ANKRD35: variants seen among roughly 807,000 people sequenced by gnomAD.
ANKRD35 encodes ankyrin repeat domain-containing protein 35.
In ANKRD35, 102 loss-of-function variants were observed where a neutral mutation model predicts 109.9. The ratio of observed to expected loss-of-function variants is 0.93; its 90% CI spans 0.79 to 1.09. The LOEUF (loss-of-function observed/expected upper bound fraction) is 1.09. Ranked by LOEUF, ANKRD35 falls within the 50% of genes least tolerant of loss-of-function variation. The probability of loss-of-function intolerance (pLI) is 0.00; values close to 1 mark genes in which losing one functional copy is unlikely to be tolerated. For synonymous variants in ANKRD35, 515 were observed against 512.4 expected (o/e 1.01, Z -0.07); for missense variants, 1,240 against 1,230.1 (o/e 1.01, Z -0.12).
Position 145,873,602 on chromosome 1 carries a change from C to A in ANKRD35, c.1167G>T (p.Gln389His), listed in dbSNP as rs1653938175. ...AESTQELKKQQQAAATVNPVL... is the reference protein window; with the variant it reads ...AESTQELKKQHQAAATVNPVL... ...CTGGATTTACTGTGGCTGCTGCCTG[C>A]TGCTGCTTCTTTAGCTCTTGTGTAC... is the stretch of plus-strand genomic sequence containing the variant. Residue 389 changes from glutamine (Q) to histidine (H), a missense_variant, in exon 10 of 14, where the codon CAG (glutamine) becomes CAT (histidine). Transcript: ENST00000355594. 1.2e-6 allele frequency: 2 copies of A among 1,614,066 alleles called. No individual in the cohort carries two copies. Among genetic ancestry groups the A allele is most frequent in the Non-Finnish European group, 1.7e-6 (2 of 1,180,016 alleles).
At position 145,867,929 on chromosome 1, in the gene ANKRD35, A is replaced by G. The variant is rs183445426; in HGVS notation, c.2943+62T>C. On this transcript the variant is annotated intron_variant, in intron 12 of 13. Coordinates refer to ENST00000355594, the MANE Select transcript of ANKRD35 (RefSeq NM_144698.5). ...ACCCTGGAGAAGAGAGAGGGACCCT[A>G]AATGCAATACCCTATACTCAGCTTT... is the stretch of plus-strand genomic sequence containing the variant. 23 of 1,532,422 alleles carry G rather than the reference A, an allele frequency of 1.5e-5. No homozygotes were observed. The East Asian group carries it at 3.1e-4, about 21-fold the overall frequency. 94.9% of individuals were successfully genotyped at this position (1,532,422 alleles called of 1,614,324 possible).
chr1:145,872,598 T>G lies in ANKRD35; in HGVS notation c.2171A>C (p.Glu724Ala). 5 of 1,613,416 alleles carry G rather than the reference T, an allele frequency of 3.1e-6. No homozygotes were observed. Among genetic ancestry groups the G allele is most frequent in the Non-Finnish European group, 4.2e-6 (5 of 1,179,730 alleles). Residue 724 changes from glutamate to alanine, a missense_variant, in exon 10 of 14, where the codon GAG becomes GCG. Coordinates refer to ENST00000355594, the MANE Select transcript of ANKRD35 (RefSeq NM_144698.5). ...GERSAQSKAA[E>A]SLEELRACIS... ...GCAGGCCCGCAGCTCCTCCAGGGAC[T>G]CCGCTGCTTTGCTTTGTGCACTCCT...
At chr1:145,877,310 G>A (rs1654118045) in intron 4 of ANKRD35, among the ~76,000 whole-genome samples, 1 of 149,446 alleles carries the variant, frequency 6.7e-6, no homozygotes, top group Non-Finnish European at 1.5e-5. Context: ...TTGGATCACT[G>A]CAACCTCCGC....
Position 145,876,229 on chromosome 1 carries a change from CA to C in ANKRD35, c.470del (p.Leu157ArgfsTer2). The C allele has an allele frequency of 1.2e-6, 2 of 1,613,836 alleles. No homozygotes were observed. Among genetic ancestry groups the C allele is most frequent in the Non-Finnish European group, 1.7e-6 (2 of 1,179,886 alleles). The stretch of plus-strand genomic sequence containing the variant: ...CGTGCCCACCCAGCGATGCGATCAT[CA>C]GGGGTGTACGTCCATCCTGCACAGA... Reference protein sequence around the residue: ...DVLDNDGRTPLMIASLGGHAA... With the variant: ...DVLDNDGRTPXMIASLGGHAA... On this transcript the variant is annotated frameshift_variant, in exon 7 of 14. Transcript: ENST00000355594. LOFTEE classifies it high-confidence loss of function.
chr1:145,872,602 C>G lies in ANKRD35; in HGVS notation c.2167G>C (p.Ala723Pro). ...GCCCGCAGCTCCTCCAGGGACTCCG[C>G]TGCTTTGCTTTGTGCACTCCTCTCG... ...VGERSAQSKA[A>P]ESLEELRACI... The change falls in exon 10 of 14, where the codon GCG (alanine) becomes CCG (proline). Residue 723 changes from alanine to proline, a missense_variant. Transcript: ENST00000355594. The G allele has an allele frequency of 6.2e-7, 1 of 1,613,634 alleles. No individual in the cohort carries two copies. Among genetic ancestry groups the G allele is most frequent in the Non-Finnish European group, 8.5e-7 (1 of 1,179,822 alleles).
chr1:145,867,532 C>A (rs74119694), intron 12 of ANKRD35, 140 bp from the exon 13 acceptor site: 6 of 677,174 alleles, frequency 8.9e-6, no homozygotes, highest in South Asian at 1.8e-5. Flanking sequence ...TTCTCCATGG[C>A]TTTTTCCCTA....
chr1:145,878,123 CAGG>C (rs1478868665), intron 3 of ANKRD35, 91 bp from the exon 4 acceptor site: 1 of 1,254,458 alleles, frequency 8.0e-7, no homozygotes, highest in Non-Finnish European at 1.2e-6. Context: ...CACAGATAAT[CAGG>C]AGATTAGGGA....
chr1:145,878,461 G>A lies in ANKRD35; in HGVS notation c.189C>T (p.Ser63=), dbSNP rs1488389915. Residue 63 remains serine (S), a synonymous_variant, in exon 3 of 14, where the codon TCC becomes TCT. Transcript: ENST00000355594. ...TAGTCAGACATTCTGTCAGGCCTTT[G>A]GAGGCTGCCAGATGAAACCTGCCAG... ...NGQSPFHLAA[S]KGLTECLTIL... is the part of the protein sequence containing the mutation. 9 of 1,569,508 alleles carry A rather than the reference G, an allele frequency of 5.7e-6. No individual in the cohort carries two copies. The Admixed American group carries it at 9.3e-5, about 16-fold the overall frequency.
chr1:145,879,025 C>G (rs1553740624), intron 2 of ANKRD35, among the ~76,000 whole-genome samples: 1 of 152,174 alleles, frequency 6.6e-6, no homozygotes, highest in African/African-American at 2.4e-5. Context: ...ATGTACTTTA[C>G]AAGTCAGTGG....
Position 145,873,634 on chromosome 1 carries a change from C to T in ANKRD35, c.1135G>A (p.Ala379Thr). ...MEQGCPKDLL[A>T]ESTQELKKQQ... ...TTCTTTAGCTCTTGTGTACTCTCAG[C>T]CAGCAGGTCCTTAGGACAACCCTGC... Residue 379 changes from alanine to threonine, a missense_variant, in exon 10 of 14, where the codon GCT becomes ACT. Physicochemically the swap from Ala to Thr is moderately conservative, Grantham distance 58 (BLOSUM62 0). Transcript: ENST00000355594. 1 of 1,614,092 alleles carries T rather than the reference C, an allele frequency of 6.2e-7. No individual in the cohort carries two copies. Among genetic ancestry groups the T allele is most frequent in the Non-Finnish European group, 8.5e-7 (1 of 1,180,022 alleles).
In ANKRD35 at chr1:145,876,129, G is replaced by T. The variant is rs1553740008; in HGVS notation, c.560+11C>A. ...CATGGGAATTGGGGTGCATAGACGA[G>T]GGGGGCTCACTTGTCATTCTTGTCT... On this transcript the variant is annotated intron_variant, in intron 7 of 13. Coordinates refer to ENST00000355594, the MANE Select transcript of ANKRD35 (RefSeq NM_144698.5). 3 of 1,612,336 alleles carry T rather than the reference G, an allele frequency of 1.9e-6. No homozygotes were observed. Among genetic ancestry groups the T allele is most frequent in the East Asian group, 4.5e-5 (2 of 44,864 alleles).
chr1:145,884,999 G>A (rs746638367), intron 1 of ANKRD35, among the ~76,000 whole-genome samples: 5 of 152,164 alleles, frequency 3.3e-5, no homozygotes, highest in Non-Finnish European at 5.9e-5. Context: ...CAGCAAGCAG[G>A]CAGGAGGAAA....
In ANKRD35 at chr1:145,874,937, A is replaced by T; in HGVS notation, c.630T>A (p.Ala210=). ...EVAELLLSHG[A]DAGAVDSTGH... The stretch of plus-strand genomic sequence containing the variant: ...CTGTGCTGTCCACAGCCCCCGCGTC[A>T]GCTCCGTGGCTCAGGAGCAGTTCAG... Residue 210 remains alanine (A), a synonymous_variant, in exon 8 of 14, where the codon GCT becomes GCA. Coordinates refer to ENST00000355594, the MANE Select transcript of ANKRD35 (RefSeq NM_144698.5). 6.2e-7 allele frequency: 1 copy of T among 1,613,406 alleles called. No homozygotes were observed. Among genetic ancestry groups the T allele is most frequent in the South Asian group, 1.1e-5 (1 of 90,856 alleles).
chr1:145,881,362 T>TA (rs1553741077), intron 1 of ANKRD35, among the ~76,000 whole-genome samples: 1 of 152,174 alleles, frequency 6.6e-6, no homozygotes. Flanking sequence ...ACCACACTAC[T>TA]ACAAGCTATA....
chr1:145,877,214 T>C (rs1654113051), intron 4 of ANKRD35, among the ~76,000 whole-genome samples: 1 of 151,394 alleles, frequency 6.6e-6, no homozygotes, highest in Non-Finnish European at 1.5e-5. Flanking sequence ...ATTTGCCTGA[T>C]GGCCGGTTAA....
At chr1:145,875,968 G>A (rs1439555575) in intron 7 of ANKRD35, among the ~76,000 whole-genome samples, 172 bp downstream of exon 7, 3 of 152,110 alleles carry the variant, frequency 2.0e-5, no homozygotes, top group Admixed American at 6.5e-5. Flanking sequence ...GGTGGCAGCA[G>A]GCAGAGCTCT....
Position 145,872,086 on chromosome 1 carries a change from C to T in ANKRD35, c.2683G>A (p.Ala895Thr). 6.2e-7 allele frequency: 1 copy of T among 1,613,418 alleles called. No homozygotes were observed. The highest frequency in any genetic ancestry group is 8.5e-7 in the Non-Finnish European group (1 of 1,179,790). Reference protein sequence around the residue: ...AAQAAEQERQASEMRGRSEQF... With the variant: ...AAQAAEQERQTSEMRGRSEQF... ...TCGGAGCGCCCCCGCATCTCGCTGG[C>T]CTGGCGCTCTTGTTCGGCTGCCTGA... The change falls in exon 10 of 14, where the codon GCC becomes ACC. Residue 895 changes from alanine (A) to threonine (T), a missense_variant. Coordinates refer to ENST00000355594, the MANE Select transcript of ANKRD35 (RefSeq NM_144698.5).
rs1653881156 is a variant in ANKRD35, at chr1:145,872,624, C to T, written c.2145G>A (p.Glu715=). ...CCGCTGCTTTGCTTTGTGCACTCCT[C>T]TCGCCCACTAGGTCTGCGGGCAGGC... ...WDCLPADLVG[E]RSAQSKAAES... is the part of the protein sequence containing the mutation. Residue 715 remains glutamate, a synonymous_variant, in exon 10 of 14, where the codon GAG becomes GAA. Coordinates refer to ENST00000355594, the MANE Select transcript of ANKRD35 (RefSeq NM_144698.5). 6.2e-7 allele frequency: 1 copy of T among 1,613,926 alleles called. No individual in the cohort carries two copies. The highest frequency in any genetic ancestry group is 8.5e-7 in the Non-Finnish European group (1 of 1,179,966).
chr1:145,878,183 G>A, intron 3 of ANKRD35, 151 bp from the exon 4 acceptor site: 3 of 921,558 alleles, frequency 3.3e-6, no homozygotes, highest in South Asian at 1.5e-5. Flanking sequence ...TTCCCCAAGT[G>A]CCTGGTACCT....
Sources: gnomAD v4.1 joint callset for allele counts (sites outside exome capture counted in the v4.1 genomes callset) on GRCh38, gnomAD v4.1.1 for gene constraint, MANE v1.5 for transcripts, NCBI Gene and HGNC (gene_info 2026-07-23, HGNC 2026-07-21) for gene names.